Variants in ZNF213 observed in about 807,000 individuals in gnomAD.
ZNF213 encodes zinc finger protein 213, also known as putative transcription factor CR53.
A neutral mutation model predicts 46.0 loss-of-function variants in ZNF213; 32 were observed. That is an observed-to-expected ratio of 0.70 (90% CI 0.52 to 0.93). The LOEUF (loss-of-function observed/expected upper bound fraction) is 0.93. Among genes scored for constraint, ZNF213 ranks in the 40% least tolerant of loss-of-function variants. The probability of loss-of-function intolerance (pLI) is 0.00; values close to 1 mark genes in which losing one functional copy is unlikely to be tolerated. For missense variants in ZNF213, 639 were observed against 652.8 expected, an observed-to-expected ratio of 0.98 and a Z score of 0.23; for synonymous variants, 297 against 271.0, an observed-to-expected ratio of 1.10 and a Z score of -0.94.
intron 1 of ZNF213, among the ~76,000 whole-genome samples, chr16:3,136,406 T>C (rs774307769): frequency 6.6e-6 from 1 of 152,170 alleles, no homozygotes; most frequent in South Asian, 2.1e-4. Flanking sequence ...CACTAAATAA[T>C]GAAACATATC....
rs138130042 is a variant in ZNF213 at position 3,137,601 on chromosome 16, G to A, written c.321G>A (p.Glu107=). 6.2e-7 allele frequency: 1 copy of A among 1,614,054 alleles called. No individual in the cohort carries two copies. Among genetic ancestry groups the A allele is most frequent in the Non-Finnish European group, 8.5e-7 (1 of 1,180,044 alleles). The change falls in exon 2 of 6, where the codon GAG becomes GAA. Residue 107 remains glutamate (E), a synonymous_variant. Coordinates refer to ENST00000396878, the MANE Select transcript of ZNF213 (RefSeq NM_004220.3). ...LPGEIQGWVR[E]QHPGSGEEAV... ...GGGAGATCCAGGGCTGGGTGCGTGA[G>A]CAGCACCCGGGAAGCGGTGAGGAGG...
chr16:3,136,861 A>C (rs1957543856), intron 1 of ZNF213, among the ~76,000 whole-genome samples: 1 of 152,198 alleles, frequency 6.6e-6, no homozygotes, highest in African/African-American at 2.4e-5. Context: ...ATTTACATTT[A>C]GTGGAATAAA....
Position 3,140,972 on chromosome 16 carries a change from C to G in ZNF213, c.1005C>G (p.His335Gln), listed in dbSNP as rs1011798402. ...RFRWGSDLAR[H>Q]QRTHTGEKPH... ...GCTGGGGCTCGGACCTGGCGCGGCA[C>G]CAGCGCACGCACACGGGCGAGAAGC... The change falls in exon 6 of 6, where the codon CAC becomes CAG. Residue 335 changes from histidine to glutamine, a missense_variant. Physicochemically the swap from His to Gln is conservative, Grantham distance 24. Coordinates refer to ENST00000396878, the MANE Select transcript of ZNF213 (RefSeq NM_004220.3). The G allele has an allele frequency of 1.9e-6, 3 of 1,608,394 alleles. No homozygotes were observed. Among genetic ancestry groups the G allele is most frequent in the South Asian group, 1.1e-5 (1 of 90,852 alleles).
chr16:3,138,386 G>A lies in ZNF213; in HGVS notation c.400-32G>A, dbSNP rs754399718. Reference sequence around the variant, plus strand: ...ACTCTGTCTCCCCCGGTCTGGTCTCGGGCTGATGAGCATGTTGTGGTTCCT... The same window carrying A: ...ACTCTGTCTCCCCCGGTCTGGTCTCAGGCTGATGAGCATGTTGTGGTTCCT... On this transcript the variant is annotated intron_variant, in intron 2 of 5. Transcript: ENST00000396878. 17 of 1,612,636 alleles carry A rather than the reference G, an allele frequency of 1.1e-5. No homozygotes were observed. Among genetic ancestry groups the A allele is most frequent in the African/African-American group, 5.3e-5 (4 of 74,886 alleles).
In ZNF213 at chr16:3,141,340, T is replaced by C; in HGVS notation, c.1373T>C (p.Val458Ala). Residue 458 changes from valine (V) to alanine (A), a missense_variant, in exon 6 of 6, where the codon GTG becomes GCG. By Grantham distance (64) the Val-to-Ala change is moderately conservative (BLOSUM62 0). Coordinates refer to ENST00000396878, the MANE Select transcript of ZNF213 (RefSeq NM_004220.3). ...QSLHAKMAQP[V>A]G ...CTGCACGCCAAGATGGCCCAGCCCGTGGGGTGAGCAGCTGGCTTGGCCGGA... is the reference window on the plus strand; with the variant it reads ...CTGCACGCCAAGATGGCCCAGCCCGCGGGGTGAGCAGCTGGCTTGGCCGGA... 1 of 1,549,628 alleles carries C rather than the reference T, an allele frequency of 6.5e-7. No homozygotes were observed. The highest frequency in any genetic ancestry group is 8.7e-7 in the Non-Finnish European group (1 of 1,150,378).
rs2141541206 is a variant in ZNF213, at chr16:3,141,288, C to T, written c.1321C>T (p.Arg441Cys). 4 of 1,609,260 alleles carry T rather than the reference C, an allele frequency of 2.5e-6. No individual in the cohort carries two copies. Among genetic ancestry groups the T allele is most frequent in the South Asian group, 1.1e-5 (1 of 90,994 alleles). ...CGECDKSFKQ[R>C]AHLIAHQSLH... Reference sequence around the variant, plus strand: ...AGAGTGCGACAAGAGCTTCAAGCAGCGCGCGCACCTCATCGCGCATCAGAG... The same window carrying T: ...AGAGTGCGACAAGAGCTTCAAGCAGTGCGCGCACCTCATCGCGCATCAGAG... The change falls in exon 6 of 6, where the codon CGC (arginine) becomes TGC (cysteine). Residue 441 changes from arginine (R) to cysteine (C), a missense_variant. Arg to Cys is a radical substitution (Grantham distance 180). Coordinates refer to ENST00000396878, the MANE Select transcript of ZNF213 (RefSeq NM_004220.3).
At position 3,140,885 on chromosome 16, in the gene ZNF213, C is replaced by T; in HGVS notation, c.918C>T (p.Arg306=). ...GGGGGCGGCCACCCACTCGCCGGCG[C>T]CAGTTCCGGGACCTGGCAGCCGAGA... ...ARRGRPPTRR[R]QFRDLAAEKP... The change falls in exon 6 of 6, where the codon CGC becomes CGT. Residue 306 remains arginine (R), a synonymous_variant. Transcript: ENST00000396878. 1 of 1,579,392 alleles carries T rather than the reference C, an allele frequency of 6.3e-7. No individual in the cohort carries two copies. Among genetic ancestry groups the T allele is most frequent in the South Asian group, 1.1e-5 (1 of 88,854 alleles).
At position 3,137,196 on chromosome 16, in the gene ZNF213, C is replaced by G; in HGVS notation, c.-85C>G. 6.7e-7 allele frequency: 1 copy of G among 1,498,582 alleles called. No homozygotes were observed. The highest frequency in any genetic ancestry group is 8.9e-7 in the Non-Finnish European group (1 of 1,126,256). 92.8% of individuals were successfully genotyped at this position (1,498,582 alleles called of 1,614,324 possible). A position where few individuals can be genotyped will look rare whatever the true frequency, so the allele number is the denominator to read the frequency against. On this transcript the variant is annotated 5_prime_UTR_variant, in exon 2 of 6. Coordinates refer to ENST00000396878, the MANE Select transcript of ZNF213 (RefSeq NM_004220.3). ...CACATCCAGATGCCAGCCCAGCTAC[C>G]ACAGGGGATCCCTCTGGGAGACTGA...
chr16:3,135,596 A>T (rs1957525094), intron 1 of ZNF213, among the ~76,000 whole-genome samples: 1 of 152,162 alleles, frequency 6.6e-6, no homozygotes, highest in African/African-American at 2.4e-5. Context: ...AGTGCCGCTA[A>T]TGTCTGTGCA....
chr16:3,137,135 C>T (rs909575720), intron 1 of ZNF213, 31 bp from the exon 2 acceptor site: 4 of 1,079,560 alleles, frequency 3.7e-6, no homozygotes, highest in Non-Finnish European at 1.3e-6. Flanking sequence ...CATCCTTCCT[C>T]CTCAGTCCTG....
Position 3,139,014 on chromosome 16 carries a change from C to G in ZNF213, c.637C>G (p.Arg213Gly), listed in dbSNP as rs527438002. The change falls in exon 5 of 6, where the codon CGG becomes GGG. Residue 213 changes from arginine to glycine, a missense_variant. Transcript: ENST00000396878. ...ALGDIPFYFS[R>G]EEWGTLDPAQ... Reference sequence around the variant, plus strand: ...GGGAGACATCCCATTCTATTTCTCCCGGGAAGAATGGGGCACCCTGGACCC... The same window carrying G: ...GGGAGACATCCCATTCTATTTCTCCGGGGAAGAATGGGGCACCCTGGACCC... The G allele has an allele frequency of 6.2e-7, 1 of 1,614,150 alleles. No homozygotes were observed. Among genetic ancestry groups the G allele is most frequent in the Admixed American group, 1.7e-5 (1 of 60,028 alleles).
rs1345136250 is a variant in ZNF213 at position 3,137,375 on chromosome 16, C to A, written c.95C>A (p.Ser32Tyr). The A allele has an allele frequency of 1.9e-6, 3 of 1,614,004 alleles. No homozygotes were observed. The Middle Eastern group carries it at 5.0e-4, about 267-fold the overall frequency. The change falls in exon 2 of 6, where the codon TCT (serine) becomes TAT (tyrosine). Residue 32 changes from serine (S) to tyrosine (Y), a missense_variant. By Grantham distance (144) the Ser-to-Tyr change is moderately radical (BLOSUM62 -2). Coordinates refer to ENST00000396878, the MANE Select transcript of ZNF213 (RefSeq NM_004220.3). ...KVEDSSWEQE[S>Y]AQHEDGRDSE... is the part of the protein sequence containing the mutation. Reference sequence around the variant, plus strand: ...GAAGATTCCTCCTGGGAACAGGAATCTGCCCAGCATGAGGATGGCAGGGAT... The same window carrying A: ...GAAGATTCCTCCTGGGAACAGGAATATGCCCAGCATGAGGATGGCAGGGAT...
chr16:3,138,672 CA>C, intron 3 of ZNF213, 72 bp from the exon 4 acceptor site: 1 of 1,611,036 alleles, frequency 6.2e-7, no homozygotes, highest in South Asian at 1.1e-5. Flanking sequence ...TGCATGCGCA[CA>C]GGCTGGGGAG....
chr16:3,141,567 C>G lies in ZNF213; in HGVS notation c.*220C>G, dbSNP rs1957604925. The G allele has an allele frequency of 1.9e-6, 1 of 540,476 alleles. No individual in the cohort carries two copies. Among genetic ancestry groups the G allele is most frequent in the Admixed American group, 3.6e-5 (1 of 27,712 alleles). 33.5% of individuals were successfully genotyped at this position (540,476 alleles called of 1,614,324 possible). A position where few individuals can be genotyped will look rare whatever the true frequency, so the allele number is the denominator to read the frequency against. ...CCCCTCCCGCCCCCGATCTTGTCCTCTTTCCCCCTTCTGCGCCTAGCGTTC... is the reference window on the plus strand; with the variant it reads ...CCCCTCCCGCCCCCGATCTTGTCCTGTTTCCCCCTTCTGCGCCTAGCGTTC... On this transcript the variant is annotated 3_prime_UTR_variant, in exon 6 of 6. Coordinates refer to ENST00000396878, the MANE Select transcript of ZNF213 (RefSeq NM_004220.3).
Position 3,138,437 on chromosome 16 carries a change from C to T in ZNF213, c.419C>T (p.Ala140Val), listed in dbSNP as rs754228227. ...GCACAGGATGTGCCCTCGGAGGAGG[C>T]GGAACCCGAGGCTGCAGGCCGGGGA... ...AWRQDVPSEE[A>V]EPEAAGRGSQ... Residue 140 changes from alanine to valine, a missense_variant, in exon 3 of 6, where the codon GCG becomes GTG. Transcript: ENST00000396878. The T allele has an allele frequency of 1.1e-5, 18 of 1,613,248 alleles. No individual in the cohort carries two copies. Among genetic ancestry groups the T allele is most frequent in the African/African-American group, 5.3e-5 (4 of 74,908 alleles).
Position 3,140,702 on chromosome 16 carries a change from A to G in ZNF213, c.735A>G (p.Lys245=). The G allele has an allele frequency of 6.6e-7, 1 of 1,506,874 alleles. No homozygotes were observed. Among genetic ancestry groups the G allele is most frequent in the Non-Finnish European group, 8.8e-7 (1 of 1,132,576 alleles). The allele number at this position is 1,506,874 out of a possible 1,614,324, so 93.3% of individuals were successfully genotyped here. A position where few individuals can be genotyped will look rare whatever the true frequency, so the allele number is the denominator to read the frequency against. ...TTCCCCTTGCAGGTTTTGGGCTCAA[A>G]GGCCAAAGTGAGAAGTCCCTGCTGC... ...SRNTTLGFGL[K]GQSEKSLLQE... The change falls in exon 6 of 6, where the codon AAA becomes AAG. Residue 245 remains lysine (K), a synonymous_variant. Transcript: ENST00000396878.
chr16:3,136,130 C>G (rs1162872029), intron 1 of ZNF213, among the ~76,000 whole-genome samples: 1 of 152,054 alleles, frequency 6.6e-6, no homozygotes, highest in Non-Finnish European at 1.5e-5. Context: ...CAAGCCCGGC[C>G]AGTTTGTATT....
chr16:3,136,765 C>G (rs975969941), intron 1 of ZNF213, among the ~76,000 whole-genome samples: 6 of 150,854 alleles, frequency 4.0e-5, no homozygotes, highest in African/African-American at 1.5e-4. Flanking sequence ...ATGTGCAATA[C>G]AGAAAAACAC....
At chr16:3,136,290 C>T (rs1596305540) in intron 1 of ZNF213, among the ~76,000 whole-genome samples, 2 of 152,218 alleles carry the variant, frequency 1.3e-5, no homozygotes, top group South Asian at 4.1e-4. Flanking sequence ...TTCTGTGACA[C>T]CTCAGGGCCA....
Sources: gnomAD v4.1 joint callset for allele counts (sites outside exome capture counted in the v4.1 genomes callset) on GRCh38, gnomAD v4.1.1 for gene constraint, MANE v1.5 for transcripts, NCBI Gene and HGNC (gene_info 2026-07-23, HGNC 2026-07-21) for gene names.